Variants in GRIN2A observed in about 807,000 individuals in gnomAD.
GRIN2A encodes the protein glutamate receptor ionotropic, NMDA 2A.
Under a neutral mutation model 113.4 loss-of-function variants are expected in GRIN2A, and 22 were observed. The ratio of observed to expected loss-of-function variants is 0.19; its 90% CI spans 0.14 to 0.28. The LOEUF is 0.28. Ranked by LOEUF, GRIN2A falls within the 10% of genes least tolerant of loss-of-function variation. The pLI is 1.00. For missense variants in GRIN2A, 1,502 were observed against 1,887.0 expected (o/e 0.80, Z 3.78); for synonymous variants, 827 against 738.4 (o/e 1.12, Z -1.94).
intron 4 of GRIN2A, among the ~76,000 whole-genome samples, chr16:9,875,798 G>T (rs950822966): frequency 2.6e-5 from 4 of 152,154 alleles, no homozygotes; most frequent in African/African-American, 7.2e-5. Context: ...TATCCTTTAG[G>T]ACTTGGTCCT....
chr16:9,929,970 C>T (rs971816350), intron 3 of GRIN2A, among the ~76,000 whole-genome samples: 10 of 152,244 alleles, frequency 6.6e-5, no homozygotes, highest in Admixed American at 2.6e-4. Flanking sequence ...TACCATTTGT[C>T]GAGCTATTCA....
chr16:9,985,153 C>T (rs370582633), intron 2 of GRIN2A, among the ~76,000 whole-genome samples: 14 of 152,124 alleles, frequency 9.2e-5, no homozygotes, highest in South Asian at 2.1e-4. Context: ...TTCTCAGTTA[C>T]GTTGGGCCCA....
rs541217017 is a variant in GRIN2A, at chr16:9,800,959, A to G, written c.2169-2495T>C. On this transcript the variant is annotated intron_variant, in intron 10 of 12. Transcript: ENST00000330684. The stretch of plus-strand genomic sequence containing the variant: ...GTAGGGTGTGTAACAGGAACACTGG[A>G]GTAGTAGGTGAAAGGAACCTGAGTT... Among the ~76,000 whole-genome samples the G allele has an allele frequency of 2.6e-5, 4 of 152,286 alleles. No homozygotes were observed. In the South Asian group the frequency reaches 8.3e-4, roughly 32 times the overall value.
At chr16:10,021,855 C>A (rs1301229542) in intron 2 of GRIN2A, among the ~76,000 whole-genome samples, 1 of 151,992 alleles carries the variant, frequency 6.6e-6, no homozygotes, top group African/African-American at 2.4e-5. Flanking sequence ...TGCATTCTGC[C>A]CCATCTGCCT....
At chr16:10,138,190 T>A (rs1224565048) in intron 2 of GRIN2A, among the ~76,000 whole-genome samples, 1 of 152,222 alleles carries the variant, frequency 6.6e-6, no homozygotes, top group African/African-American at 2.4e-5. Context: ...ATCATATAAG[T>A]GTGTGAGATG....
At chr16:10,074,079 A>G (rs2047819452) in intron 2 of GRIN2A, among the ~76,000 whole-genome samples, 1 of 152,250 alleles carries the variant, frequency 6.6e-6, no homozygotes, top group Non-Finnish European at 1.5e-5. Flanking sequence ...CTCAATAGAC[A>G]TTTCTTACAA....
chr16:10,088,312 T>G (rs1236160398), intron 2 of GRIN2A, among the ~76,000 whole-genome samples: 1 of 152,182 alleles, frequency 6.6e-6, no homozygotes, highest in Non-Finnish European at 1.5e-5. Flanking sequence ...CAACTGTCAC[T>G]GAGCACAAAC....
At chr16:10,075,080 T>C (rs1178885039) in intron 2 of GRIN2A, among the ~76,000 whole-genome samples, 6 of 152,070 alleles carry the variant, frequency 3.9e-5, no homozygotes, top group Admixed American at 1.3e-4. Context: ...CCAGGCCACA[T>C]GGGTTAAAAT....
At chr16:10,147,044 T>C (rs1009336307) in intron 2 of GRIN2A, among the ~76,000 whole-genome samples, 11 of 152,204 alleles carry the variant, frequency 7.2e-5, no homozygotes, top group Middle Eastern at 3.4e-3. Context: ...CCAGGTACCA[T>C]GTGACTTTCT....
intron 2 of GRIN2A, among the ~76,000 whole-genome samples, chr16:10,009,469 C>T (rs774468336): frequency 6.6e-6 from 1 of 152,060 alleles, no homozygotes; most frequent in South Asian, 2.1e-4. Context: ...GTATGCGCCA[C>T]TCGAAACCAT....
chr16:9,941,164 C>T (rs2044866652), intron 2 of GRIN2A, among the ~76,000 whole-genome samples: 1 of 152,112 alleles, frequency 6.6e-6, no homozygotes, highest in Non-Finnish European at 1.5e-5. Context: ...CCATTGGAAC[C>T]TAATAAAAAG....
At chr16:10,167,938 C>G (rs560672454) in intron 2 of GRIN2A, among the ~76,000 whole-genome samples, 1 of 152,274 alleles carries the variant, frequency 6.6e-6, no homozygotes, top group South Asian at 2.1e-4. Flanking sequence ...ATACAACTGA[C>G]TAAAAAGAAT....
chr16:10,172,472 G>A (rs189123037), intron 2 of GRIN2A, among the ~76,000 whole-genome samples: 5 of 152,344 alleles, frequency 3.3e-5, no homozygotes, highest in Non-Finnish European at 5.9e-5. Flanking sequence ...CTACATCATA[G>A]GCCTCACAGC....
chr16:9,835,229 A>G (rs535509486), intron 7 of GRIN2A, among the ~76,000 whole-genome samples: 13 of 152,332 alleles, frequency 8.5e-5, no homozygotes, highest in Admixed American at 6.5e-4. Flanking sequence ...TTCACATGAT[A>G]ATTCAATAAA....
intron 2 of GRIN2A, among the ~76,000 whole-genome samples, chr16:10,054,884 A>G (rs1292749199): frequency 6.6e-6 from 1 of 151,520 alleles, no homozygotes; most frequent in Non-Finnish European, 1.5e-5. Flanking sequence ...CATCTCTACT[A>G]AGAACACAAA....
chr16:9,841,845 C>T (rs2042685631), intron 5 of GRIN2A, among the ~76,000 whole-genome samples: 1 of 152,184 alleles, frequency 6.6e-6, no homozygotes. Context: ...ATCTTAAAGG[C>T]TATTGTATAC....
At chr16:9,909,678 T>G (rs919262417) in intron 3 of GRIN2A, among the ~76,000 whole-genome samples, 1 of 152,222 alleles carries the variant, frequency 6.6e-6, no homozygotes, top group Non-Finnish European at 1.5e-5. Flanking sequence ...CTGAAATGCC[T>G]TAAGTGTATT....
intron 2 of GRIN2A, among the ~76,000 whole-genome samples, chr16:10,172,615 G>T (rs542565196): frequency 6.6e-6 from 1 of 152,382 alleles, no homozygotes; most frequent in Non-Finnish European, 1.5e-5. Context: ...AGGGATCGTG[G>T]CAGGTGGGGT....
intron 4 of GRIN2A, among the ~76,000 whole-genome samples, chr16:9,850,965 G>T (rs1418935850): frequency 6.6e-6 from 1 of 151,996 alleles, no homozygotes; most frequent in Admixed American, 6.6e-5. Context: ...TGACACCACA[G>T]GTCACCGCTT....
Sources: allele counts gnomAD v4.1 joint callset (sites outside exome capture counted in the v4.1 genomes callset), GRCh38; gene constraint gnomAD v4.1.1; transcripts MANE v1.5; gene names NCBI Gene and HGNC (gene_info 2026-07-23, HGNC 2026-07-21).